Variants in CCDC179 observed in about 807,000 individuals in gnomAD.
The protein encoded by CCDC179 is coiled-coil domain containing 179, also known as coiled-coil domain-containing protein 179.
Under a neutral mutation model 12.0 loss-of-function variants are expected in CCDC179, and 17 were observed. The observed-to-expected ratio is 1.42, with a 90% CI of 0.97 to 2.13. CCDC179 has a LOEUF of 2.13. Among genes scored for constraint, CCDC179 ranks in the 30% most tolerant of loss-of-function variants. CCDC179 has a pLI of 0.00. For missense variants in CCDC179, 83 were observed against 78.6 expected (o/e 1.06, Z -0.21); for synonymous variants, 27 against 26.4 (o/e 1.02, Z -0.07).
At chr11:22,858,400 T>C (rs1858580542) in intron 2 of CCDC179, among the ~76,000 whole-genome samples, 4 of 152,014 alleles carry the variant, frequency 2.6e-5, no homozygotes, top group Admixed American at 2.6e-4. Flanking sequence ...ATTCACTCCT[T>C]TGAAATGTTG....
At chr11:22,855,221 AAT>A (rs1457224193) in intron 3 of CCDC179, among the ~76,000 whole-genome samples, 3 of 151,724 alleles carry the variant, frequency 2.0e-5, no homozygotes, top group African/African-American at 7.2e-5. Flanking sequence ...AATTGACATT[AAT>A]AGTTACTTTA....
chr11:22,857,199 C>G (rs1432322273), intron 3 of CCDC179, among the ~76,000 whole-genome samples: 1 of 151,442 alleles, frequency 6.6e-6, no homozygotes, highest in East Asian at 1.9e-4. Flanking sequence ...GGGAAAAGTT[C>G]CAGAAAAGCC....
chr11:22,856,729 G>A (rs527772610), intron 3 of CCDC179, among the ~76,000 whole-genome samples: 9 of 151,548 alleles, frequency 5.9e-5, no homozygotes, highest in South Asian at 2.1e-4. Flanking sequence ...CTGTGTCTTC[G>A]TTCACAGACG....
intron 3 of CCDC179, among the ~76,000 whole-genome samples, chr11:22,850,973 TA>T (rs1181281531): frequency 0.014 from 230 of 15,980 alleles, 8 homozygotes; most frequent in East Asian, 0.023. Context: ...TATATATATA[TA>T]TATTTTTTTT....
At chr11:22,849,549 C>G (rs556050998) in intron 3 of CCDC179, among the ~76,000 whole-genome samples, 54 of 152,088 alleles carry the variant, frequency 3.6e-4, no homozygotes, top group African/African-American at 1.1e-3. Context: ...TTTGGGGGAA[C>G]AGGTGGTTTT....
intron 3 of CCDC179, among the ~76,000 whole-genome samples, chr11:22,850,972 A>C (rs57884256): frequency 1.5e-4 from 1 of 6,518 alleles, no homozygotes; most frequent in African/African-American, 2.7e-4. Flanking sequence ...ATATATATAT[A>C]TATATTTTTT....
intron 2 of CCDC179, chr11:22,858,291 A>G: frequency 4.1e-6 from 1 of 241,706 alleles, no homozygotes. Flanking sequence ...ACACTTAAGT[A>G]GATCCAGACT....
chr11:22,848,716 A>G (rs1454829793), intron 3 of CCDC179, among the ~76,000 whole-genome samples: 1 of 152,238 alleles, frequency 6.6e-6, no homozygotes, highest in African/African-American at 2.4e-5. Context: ...ACTGCTTATA[A>G]CAAAGCAAAT....
chr11:22,853,022 A>T (rs1858447037), intron 3 of CCDC179, among the ~76,000 whole-genome samples: 1 of 152,204 alleles, frequency 6.6e-6, no homozygotes, highest in Admixed American at 6.5e-5. Context: ...GATATTATTT[A>T]AGAAAGAGTC....
intron 3 of CCDC179, among the ~76,000 whole-genome samples, chr11:22,854,350 A>G (rs1470820286): frequency 6.6e-6 from 1 of 151,854 alleles, no homozygotes; most frequent in Non-Finnish European, 1.5e-5. Context: ...TTTGTTCAAA[A>G]TAATAATTGC....
chr11:22,848,162 G>A (rs937843045), intron 3 of CCDC179, among the ~76,000 whole-genome samples: 81 of 152,296 alleles, frequency 5.3e-4, no homozygotes, highest in African/African-American at 1.9e-3. Flanking sequence ...TATAAAAGTT[G>A]GCCAAGCATG....
At chr11:22,847,592 C>T in intron 3 of CCDC179, 71 bp from the exon 4 acceptor site, 1 of 766,662 alleles carries the variant, frequency 1.3e-6, no homozygotes, top group Non-Finnish European at 1.9e-6. Flanking sequence ...ATTAGATATA[C>T]TATAAATTAT....
chr11:22,848,312 CA>C (rs1454860820), intron 3 of CCDC179, among the ~76,000 whole-genome samples: 5 of 152,030 alleles, frequency 3.3e-5, no homozygotes, highest in Admixed American at 1.3e-4. Flanking sequence ...GGCGTGGTGG[CA>C]CATGCCTGTA....
intron 3 of CCDC179, among the ~76,000 whole-genome samples, chr11:22,854,454 G>A (rs1323023477): frequency 6.6e-6 from 1 of 151,758 alleles, no homozygotes; most frequent in Non-Finnish European, 1.5e-5. Context: ...TATGTCAAAA[G>A]GTAACTGCAT....
At chr11:22,853,797 A>G (rs907195953) in intron 3 of CCDC179, among the ~76,000 whole-genome samples, 2 of 151,998 alleles carry the variant, frequency 1.3e-5, no homozygotes, top group Non-Finnish European at 2.9e-5. Context: ...TGAACCTTCT[A>G]AAGTTAATGA....
At chr11:22,855,020 T>C (rs1024778245) in intron 3 of CCDC179, among the ~76,000 whole-genome samples, 6 of 151,720 alleles carry the variant, frequency 4.0e-5, no homozygotes, top group Non-Finnish European at 8.9e-5. Context: ...TAATCCTTAA[T>C]GTGTTTGTTC....
intron 2 of CCDC179, chr11:22,858,266 A>G (rs1858574837): frequency 1.7e-5 from 5 of 295,762 alleles, no homozygotes; most frequent in Middle Eastern, 9.5e-4. Flanking sequence ...CTTGATTCTC[A>G]TCTTACCACT....
At chr11:22,851,836 G>A (rs1408753635) in intron 3 of CCDC179, among the ~76,000 whole-genome samples, 2 of 152,152 alleles carry the variant, frequency 1.3e-5, no homozygotes, top group Non-Finnish European at 2.9e-5. Flanking sequence ...GTGTAGAGAG[G>A]ACAGTCTTAG....
At chr11:22,855,312 C>CT (rs1383170101) in intron 3 of CCDC179, among the ~76,000 whole-genome samples, 2 of 151,508 alleles carry the variant, frequency 1.3e-5, no homozygotes, top group Non-Finnish European at 3.0e-5. Context: ...TTAAAATATA[C>CT]TTTAACAAAT....
Sources: gnomAD v4.1 joint callset for allele counts (sites outside exome capture counted in the v4.1 genomes callset) on GRCh38, gnomAD v4.1.1 for gene constraint, MANE v1.5 for transcripts, NCBI Gene and HGNC (gene_info 2026-07-23, HGNC 2026-07-21) for gene names.